Variants in DOP1A observed in about 807,000 individuals in gnomAD.
DOP1A encodes the protein DOP1 leucine zipper like protein A.
Under a neutral mutation model 267.6 loss-of-function variants are expected in DOP1A, and 90 were observed. That is an observed-to-expected ratio of 0.34 (90% CI 0.28 to 0.40). The LOEUF (loss-of-function observed/expected upper bound fraction) is 0.40, where lower values mean the gene tolerates loss of function less well. Among genes scored for constraint, DOP1A ranks in the 10% least tolerant of loss-of-function variants. The pLI, the probability that DOP1A is intolerant of heterozygous loss-of-function variation, is 1.00. For missense variants in DOP1A, 2,437 were observed against 2,900.4 expected (o/e 0.84, Z 3.67); for synonymous variants, 932 against 999.1 (o/e 0.93, Z 1.27).
chr6:83,135,520 A>G, intron 19 of DOP1A, 99 bp from the exon 20 acceptor site: 1 of 1,285,708 alleles, frequency 7.8e-7, no homozygotes, highest in East Asian at 2.5e-5. Flanking sequence ...ACTTCAAAAT[A>G]GTTAATTCAA....
chr6:83,157,035 G>A (rs1782958856), intron 34 of DOP1A, 147 bp from the exon 35 acceptor site: 1 of 693,228 alleles, frequency 1.4e-6, no homozygotes, highest in South Asian at 2.3e-5. Context: ...CTTATTCGTT[G>A]TTTTATGAAA....
chr6:83,154,740 C>T (rs1782406256), intron 33 of DOP1A, among the ~76,000 whole-genome samples: 1 of 152,042 alleles, frequency 6.6e-6, no homozygotes. Context: ...CCCCCACCCC[C>T]TCTTTCTACT....
At chr6:83,093,767 A>G (rs1229798709) in intron 1 of DOP1A, among the ~76,000 whole-genome samples, 1 of 152,070 alleles carries the variant, frequency 6.6e-6, no homozygotes, top group Non-Finnish European at 1.5e-5. Context: ...TTAGCCAGGC[A>G]TGGTGCCAGG....
chr6:83,108,987 A>T lies in DOP1A; in HGVS notation c.398A>T (p.Tyr133Phe). 2.5e-6 allele frequency: 4 copies of T among 1,613,792 alleles called. No homozygotes were observed. Among genetic ancestry groups the T allele is most frequent in the Non-Finnish European group, 3.4e-6 (4 of 1,179,896 alleles). ...TTGCTCAGTTTGTATGAGATATATT[A>T]TCTGCCTTTGGGTAAAACACTGAAA... ...PTLLSLYEIY[Y>F]LPLGKTLKPG... The change falls in exon 5 of 39, where the codon TAT becomes TTT. Residue 133 changes from tyrosine (Y) to phenylalanine (F), a missense_variant. Tyr to Phe is a conservative substitution (Grantham distance 22, BLOSUM62 3). This residue lies in a region of DOP1A where 251 missense variants were observed against 359.1 expected (regional missense o/e 0.70). Coordinates refer to ENST00000349129, the MANE Select transcript of DOP1A (RefSeq NM_015018.4).
At chr6:83,086,534 C>T (rs2128066998) in intron 1 of DOP1A, among the ~76,000 whole-genome samples, 1 of 152,154 alleles carries the variant, frequency 6.6e-6, no homozygotes, top group South Asian at 2.1e-4. Context: ...TCAGCTGTAC[C>T]TCAGCATTTA....
rs1045385759 is a variant in DOP1A, at chr6:83,081,552, G to A, written c.-147+13773G>A. 2.6e-5 allele frequency among the ~76,000 whole-genome samples: 4 copies of A among 151,814 alleles called. 1 individual carries two copies. Among genetic ancestry groups the A allele is most frequent in the African/African-American group, 9.7e-5 (4 of 41,318 alleles). On this transcript the variant is annotated intron_variant, in intron 1 of 38. Transcript: ENST00000349129. ...CTCACCATATACAAAAATCATCTTGGGTTATAAAAAAAAATAGGACCTGAA... is the reference window on the plus strand; with the variant it reads ...CTCACCATATACAAAAATCATCTTGAGTTATAAAAAAAAATAGGACCTGAA...
chr6:83,165,885 C>T, intron 38 of DOP1A: 1 of 395,816 alleles, frequency 2.5e-6, no homozygotes, highest in South Asian at 2.0e-5. Flanking sequence ...GCATACTTAT[C>T]AGATGTAATG....
intron 4 of DOP1A, among the ~76,000 whole-genome samples, chr6:83,101,460 T>C: frequency 6.6e-6 from 1 of 152,254 alleles, no homozygotes; most frequent in Admixed American, 6.5e-5. Flanking sequence ...TTCTACCTTT[T>C]TAAGCTTGAA....
intron 30 of DOP1A, among the ~76,000 whole-genome samples, chr6:83,152,958 G>A (rs1464402171): frequency 6.6e-6 from 1 of 152,044 alleles, no homozygotes; most frequent in African/African-American, 2.4e-5. Context: ...CCACTATAAT[G>A]TATTTTACAA....
intron 7 of DOP1A, 147 bp downstream of exon 7, chr6:83,113,568 G>A: frequency 6.9e-6 from 4 of 580,642 alleles, no homozygotes; most frequent in Non-Finnish European, 1.2e-5. Flanking sequence ...CTTAAGGAGT[G>A]GAATTTGTTG....
At chr6:83,115,997 TAA>T (rs1426977417) in intron 7 of DOP1A, among the ~76,000 whole-genome samples, 3 of 152,302 alleles carry the variant, frequency 2.0e-5, no homozygotes, top group African/African-American at 7.2e-5. Context: ...TTACACTCTT[TAA>T]AAGTACAGAA....
At chr6:83,112,367 T>C (rs1013677053) in intron 6 of DOP1A, among the ~76,000 whole-genome samples, 10 of 149,438 alleles carry the variant, frequency 6.7e-5, no homozygotes, top group Non-Finnish European at 1.2e-4. Context: ...AAAATACAAA[T>C]ATATATATAT....
intron 10 of DOP1A, among the ~76,000 whole-genome samples, chr6:83,121,137 T>C (rs990585565): frequency 1.3e-5 from 2 of 151,874 alleles, no homozygotes; most frequent in Non-Finnish European, 3.0e-5. Flanking sequence ...ATTTGAGTTA[T>C]ATCCCTCAGC....
At chr6:83,127,445 A>G (rs1399271196) in intron 15 of DOP1A, among the ~76,000 whole-genome samples, 1 of 152,202 alleles carries the variant, frequency 6.6e-6, no homozygotes, top group Admixed American at 6.5e-5. Context: ...CAAGCAGACA[A>G]GAGATGCAGC....
At chr6:83,091,600 T>C (rs901968145) in intron 1 of DOP1A, among the ~76,000 whole-genome samples, 1 of 152,204 alleles carries the variant, frequency 6.6e-6, no homozygotes, top group Non-Finnish European at 1.5e-5. Flanking sequence ...TTGACTTTTT[T>C]ATAGCAAATA....
rs754964209 is a variant in DOP1A, at chr6:83,129,266, C to T, written c.2099C>T (p.Ser700Phe). The stretch of plus-strand genomic sequence containing the variant: ...TACATCATTCAGAATAACTCTTTTT[C>T]TCAGTCTTTGGCTACAGAACATCAA... ...NLYIIQNNSF[S>F]QSLATEHQGD... The change falls in exon 16 of 39, where the codon TCT becomes TTT. Residue 700 changes from serine to phenylalanine, a missense_variant. By Grantham distance (155) the Ser-to-Phe change is radical. Around this residue, in one of 9 missense-constraint regions of DOP1A, gnomAD observed 498 missense variants for 513.5 expected, o/e 0.97. Coordinates refer to ENST00000349129, the MANE Select transcript of DOP1A (RefSeq NM_015018.4). 1.9e-6 allele frequency: 3 copies of T among 1,612,086 alleles called. No homozygotes were observed. The highest frequency in any genetic ancestry group is 2.5e-6 in the Non-Finnish European group (3 of 1,179,302).
chr6:83,096,851 A>G, intron 2 of DOP1A, 28 bp downstream of exon 2: 3 of 1,087,378 alleles, frequency 2.8e-6, no homozygotes, highest in Non-Finnish European at 4.0e-6. Flanking sequence ...GTTAGTCATT[A>G]CCTTTGTAGT....
At chr6:83,067,819 T>A (rs892237432) in intron 1 of DOP1A, 40 bp downstream of exon 1, 5 of 152,250 alleles carry the variant, frequency 3.3e-5, no homozygotes, top group African/African-American at 1.2e-4. Context: ...GCTAGGCTGG[T>A]AGCCGGCTCC....
chr6:83,164,413 A>AC (rs1325643890), intron 38 of DOP1A, among the ~76,000 whole-genome samples: 2 of 151,840 alleles, frequency 1.3e-5, no homozygotes, highest in Non-Finnish European at 2.9e-5. Flanking sequence ...AGCAAATATG[A>AC]CCCCAGGCAC....
Sources: allele counts gnomAD v4.1 joint callset (sites outside exome capture counted in the v4.1 genomes callset), GRCh38; gene constraint gnomAD v4.1.1; regional missense constraint gnomAD v4.1.1; transcripts MANE v1.5; gene names NCBI Gene and HGNC (gene_info 2026-07-23, HGNC 2026-07-21).